The following BBS9 variants were observed in gnomAD, a reference collection of about 807,000 sequenced individuals.
The protein encoded by BBS9 is Bardet-Biedl syndrome 9, also known as protein PTHB1.
Under a neutral mutation model 117.7 loss-of-function variants are expected in BBS9, and 89 were observed. The observed-to-expected ratio is 0.76, with a 90% CI of 0.64 to 0.90. BBS9 has a LOEUF of 0.90. Ranked by LOEUF, BBS9 falls within the 40% of genes least tolerant of loss-of-function variation. BBS9 has a pLI of 0.00. For synonymous variants in BBS9, 379 were observed against 370.9 expected, an observed-to-expected ratio of 1.02 and a Z score of -0.25; for missense variants, 982 against 1,042.2, an observed-to-expected ratio of 0.94 and a Z score of 0.80.
At chr7:33,167,278 T>C (rs1244829935) in intron 4 of BBS9, among the ~76,000 whole-genome samples, 1 of 152,078 alleles carries the variant, frequency 6.6e-6, no homozygotes, top group Non-Finnish European at 1.5e-5. Flanking sequence ...ATATAAACAA[T>C]TTCAGTACTG....
intron 9 of BBS9, among the ~76,000 whole-genome samples, chr7:33,280,968 G>T (rs577726023): frequency 4.3e-5 from 2 of 46,644 alleles, no homozygotes; most frequent in Non-Finnish European, 8.2e-5. Flanking sequence ...TATACTTTTT[G>T]CTATCCTGTA....
intron 19 of BBS9, among the ~76,000 whole-genome samples, chr7:33,397,471 T>C (rs950923513): frequency 2.7e-4 from 41 of 152,152 alleles, no homozygotes; most frequent in Non-Finnish European, 5.3e-4. Flanking sequence ...TTACTGAGTA[T>C]ATACCCAAAA....
chr7:33,236,331 A>AAT (rs1793483438), intron 5 of BBS9, among the ~76,000 whole-genome samples: 1 of 151,300 alleles, frequency 6.6e-6, no homozygotes, highest in Non-Finnish European at 1.5e-5. Context: ...ATCTCAAAAA[A>AAT]AAAAAAAAAG....
chr7:33,205,071 C>T (rs1278541288), intron 5 of BBS9, among the ~76,000 whole-genome samples: 1 of 152,168 alleles, frequency 6.6e-6, no homozygotes. Context: ...TTAGACATAG[C>T]CTACCTGTTT....
intron 5 of BBS9, among the ~76,000 whole-genome samples, chr7:33,213,918 C>T (rs1258361182): frequency 6.6e-6 from 1 of 152,092 alleles, no homozygotes; most frequent in African/African-American, 2.4e-5. Flanking sequence ...GAGTCACTTT[C>T]ATTGCTGTAA....
chr7:33,264,628 C>T (rs935797025), intron 7 of BBS9, among the ~76,000 whole-genome samples: 1 of 152,028 alleles, frequency 6.6e-6, no homozygotes, highest in African/African-American at 2.4e-5. Context: ...GATGGAGTCA[C>T]TTTTAACAAA....
At chr7:33,197,082 A>C (rs1018388873) in intron 5 of BBS9, among the ~76,000 whole-genome samples, 8 of 152,272 alleles carry the variant, frequency 5.3e-5, no homozygotes, top group African/African-American at 1.7e-4. Flanking sequence ...AGACTAAAAA[A>C]ATTTGAGGTT....
intron 19 of BBS9, among the ~76,000 whole-genome samples, chr7:33,504,847 AC>A (rs1682904290): frequency 1.3e-5 from 2 of 148,728 alleles, no homozygotes; most frequent in South Asian, 2.1e-4. Context: ...CACACCCTGA[AC>A]TTTTTTTTTT....
chr7:33,381,409 T>TGCACTGAGTTACGTAA (rs1277503873), intron 17 of BBS9, among the ~76,000 whole-genome samples: 1 of 152,192 alleles, frequency 6.6e-6, no homozygotes, highest in Non-Finnish European at 1.5e-5. Flanking sequence ...TTCCTGATTT[T>TGCACTGAGTTACGTAA]ATCCCCAGTG....
At chr7:33,352,538 A>C (rs1055473425) in intron 14 of BBS9, among the ~76,000 whole-genome samples, 2 of 152,128 alleles carry the variant, frequency 1.3e-5, no homozygotes, top group African/African-American at 2.4e-5. Flanking sequence ...TTTCCCCTTT[A>C]TTGAGTCTTT....
At chr7:33,374,692 G>A (rs562401553) in intron 17 of BBS9, among the ~76,000 whole-genome samples, 33 of 151,954 alleles carry the variant, frequency 2.2e-4, no homozygotes, top group African/African-American at 7.5e-4. Flanking sequence ...ACCTAAGGTC[G>A]GGAGTTAGAG....
intron 1 of BBS9, among the ~76,000 whole-genome samples, chr7:33,143,111 AG>A (rs1466950026): frequency 6.6e-6 from 1 of 152,076 alleles, no homozygotes; most frequent in Non-Finnish European, 1.5e-5. Flanking sequence ...CTGGGACTAC[AG>A]GCGCCTGCCA....
At chr7:33,236,580 A>G (rs188345719) in intron 5 of BBS9, among the ~76,000 whole-genome samples, 22 of 152,090 alleles carry the variant, frequency 1.4e-4, no homozygotes, top group South Asian at 1.2e-3. Context: ...TAAAAAATAC[A>G]TAATTTATAA....
At chr7:33,504,611 G>C (rs1179833546) in intron 19 of BBS9, among the ~76,000 whole-genome samples, 4 of 152,142 alleles carry the variant, frequency 2.6e-5, no homozygotes, top group African/African-American at 9.7e-5. Context: ...TCTGGGGACT[G>C]TCAGACGCCT....
At chr7:33,223,214 A>G (rs1483410354) in intron 5 of BBS9, among the ~76,000 whole-genome samples, 1 of 152,094 alleles carries the variant, frequency 6.6e-6, no homozygotes, top group African/African-American at 2.4e-5. Flanking sequence ...TGTGTATAAC[A>G]GGATGTATTG....
intron 1 of BBS9, among the ~76,000 whole-genome samples, chr7:33,144,678 A>C (rs929000533): frequency 1.1e-4 from 16 of 152,212 alleles, no homozygotes; most frequent in African/African-American, 2.9e-4. Flanking sequence ...AGTGCTGTCT[A>C]ATGTTCCTAA....
intron 17 of BBS9, 28 bp downstream of exon 17, chr7:33,367,890 T>C (rs758565462): frequency 1.3e-6 from 2 of 1,585,918 alleles, no homozygotes; most frequent in African/African-American, 2.7e-5. Context: ...ATCATTGCTT[T>C]TTAAATTTTT....
intron 2 of BBS9, among the ~76,000 whole-genome samples, chr7:33,148,868 C>T (rs1211610771): frequency 2.6e-5 from 4 of 152,154 alleles, no homozygotes; most frequent in African/African-American, 7.2e-5. Context: ...AAGTGATCCT[C>T]CTGCCTTGGC....
At chr7:33,515,579 G>T (rs1002578010) in intron 20 of BBS9, among the ~76,000 whole-genome samples, 1 of 152,192 alleles carries the variant, frequency 6.6e-6, no homozygotes, top group African/African-American at 2.4e-5. Flanking sequence ...TCTGTTCAAA[G>T]TCAGCAAGAA....
Sources: gnomAD v4.1 joint callset for allele counts (sites outside exome capture counted in the v4.1 genomes callset) on GRCh38, gnomAD v4.1.1 for gene constraint, MANE v1.5 for transcripts, NCBI Gene and HGNC (gene_info 2026-07-23, HGNC 2026-07-21) for gene names.